The following TNXB variants were observed in gnomAD, a reference collection of about 807,000 sequenced individuals.
TNXB encodes the protein tenascin XB.
A neutral mutation model predicts 340.5 loss-of-function variants in TNXB; 183 were observed. The ratio of observed to expected loss-of-function variants is 0.54; its 90% confidence interval spans 0.48 to 0.61. The LOEUF is 0.61. TNXB is among the 20% of genes least tolerant of loss of function. The pLI is 0.00. For synonymous variants in TNXB, 2,121 were observed against 2,314.5 expected, an observed-to-expected ratio of 0.92 and a Z score of 2.40; for missense variants, 4,613 against 5,446.4, an observed-to-expected ratio of 0.85 and a Z score of 4.82.
Position 32,068,567 on chromosome 6 carries a change from C to A in TNXB, c.6043G>T (p.Asp2015Tyr). 1.2e-6 allele frequency: 2 copies of A among 1,614,014 alleles called. No individual in the cohort carries two copies. Among genetic ancestry groups the A allele is most frequent in the Non-Finnish European group, 1.7e-6 (2 of 1,179,908 alleles). ...LSWTVPEGQF[D>Y]HFLVQYRNGD... ...TTCCTGTACTGGACCAGGAAGTGGT[C>A]AAACTGTCCCTCGGGAACTGTCCAG... is the stretch of plus-strand genomic sequence containing the variant. The change falls in exon 17 of 44, where the codon GAC (aspartate) becomes TAC (tyrosine). Residue 2015 changes from aspartate (D) to tyrosine (Y), a missense_variant. Asp to Tyr is a radical substitution (Grantham distance 160, BLOSUM62 -3). This residue lies in a region of TNXB where 4,327 missense variants were observed against 4,859.4 expected (regional missense o/e 0.89). Coordinates refer to ENST00000644971, the MANE Select transcript of TNXB (RefSeq NM_001365276.2). This position sits in a 1 kb window ranked among gnomAD's most constrained non-coding sequence, Gnocchi z 5.3.
In TNXB at chr6:32,056,593, C is replaced by T. The variant is rs200131618; in HGVS notation, c.8136G>A (p.Gly2712=). Residue 2712 remains glycine (G), a synonymous_variant, in exon 23 of 44, where the codon GGG becomes GGA. Coordinates refer to ENST00000644971, the MANE Select transcript of TNXB (RefSeq NM_001365276.2). ...CTGCCATCATCCACTCACCCGTCAC[C>T]CCAATGACAGAGATGGGGCCCACGC... ...GQRVGPISVI[G]VTAAEEETPS... is the part of the protein sequence containing the mutation. The T allele has an allele frequency of 2.0e-5, 33 of 1,612,872 alleles. 1 individual carries two copies. The highest frequency in any genetic ancestry group is 1.3e-5 in the African/African-American group (1 of 74,934).
chr6:32,106,621 G>A (rs541540686), intron 1 of TNXB, among the ~76,000 whole-genome samples: 3 of 152,318 alleles, frequency 2.0e-5, no homozygotes, highest in South Asian at 2.1e-4. Context: ...AGCAAGAGAC[G>A]GAAAGGGAGC....
intron 11 of TNXB, among the ~76,000 whole-genome samples, chr6:32,078,159 C>A (rs1180517873): frequency 6.6e-6 from 1 of 151,144 alleles, no homozygotes; most frequent in Non-Finnish European, 1.5e-5. Flanking sequence ...AAAGAGAAAG[C>A]TTTGTGGTCA....
In TNXB at chr6:32,082,002, G is replaced by C; in HGVS notation, c.3736+34C>G. On this transcript the variant is annotated intron_variant, in intron 9 of 43. Transcript: ENST00000644971. The surrounding 1 kb of genome is among the most constrained non-coding windows in gnomAD (Gnocchi z 5.0). The stretch of plus-strand genomic sequence containing the variant: ...GGGAAGTGTGCATGGGGCTGAGAAG[G>C]GGTCACATGGGGGCTGAGGTGGCTG... The C allele has an allele frequency of 6.3e-7, 1 of 1,575,720 alleles. No individual in the cohort carries two copies. The highest frequency in any genetic ancestry group is 8.6e-7 in the Non-Finnish European group (1 of 1,160,218).
In TNXB at chr6:32,061,418, C is replaced by G. The variant is rs774822987; in HGVS notation, c.7471G>C (p.Val2491Leu). ...TCACCAGTCACGCCCACGGTGGACA[C>G]CGGGCCCACGCGCCGCCCCTCGTGG... ...GLHEGRRVGP[V>L]STVGVTAPQE... The change falls in exon 21 of 44, where the codon GTG (valine) becomes CTG (leucine). Residue 2491 changes from valine (V) to leucine (L), a missense_variant. Around this residue, in one of 7 missense-constraint regions of TNXB, gnomAD observed 4,327 missense variants for 4,859.4 expected, o/e 0.89. Transcript: ENST00000644971. The surrounding 1 kb of genome is among the most constrained non-coding windows in gnomAD (Gnocchi z 4.4). 1 of 1,612,704 alleles carries G rather than the reference C, an allele frequency of 6.2e-7. No individual in the cohort carries two copies. Among genetic ancestry groups the G allele is most frequent in the Admixed American group, 1.7e-5 (1 of 59,994 alleles).
At position 32,069,777 on chromosome 6, in the gene TNXB, G is replaced by T; in HGVS notation, c.5363C>A (p.Thr1788Asn). 6.2e-7 allele frequency: 1 copy of T among 1,611,386 alleles called. No homozygotes were observed. Among genetic ancestry groups the T allele is most frequent in the Non-Finnish European group, 8.5e-7 (1 of 1,178,918 alleles). ...LGEELQVTTV[T>N]QNSVGLSWTV... is the part of the protein sequence containing the mutation. Reference sequence around the variant, plus strand: ...CCAGGAGAGGCCCACGGAGTTCTGGGTCACGGTGGTCACCTGCAGCTCCTC... The same window carrying T: ...CCAGGAGAGGCCCACGGAGTTCTGGTTCACGGTGGTCACCTGCAGCTCCTC... The change falls in exon 15 of 44, where the codon ACC becomes AAC. Residue 1788 changes from threonine to asparagine, a missense_variant. Thr to Asn is a moderately conservative substitution (Grantham distance 65). This residue lies in a region of TNXB where 4,327 missense variants were observed against 4,859.4 expected (regional missense o/e 0.89). Transcript: ENST00000644971. This position sits in a 1 kb window ranked among gnomAD's most constrained non-coding sequence, Gnocchi z 6.2.
intron 1 of TNXB, among the ~76,000 whole-genome samples, chr6:32,099,272 C>G (rs972823349): frequency 2.7e-5 from 4 of 149,924 alleles, no homozygotes; most frequent in Non-Finnish European, 4.4e-5. Context: ...CTTACTCTGT[C>G]GCCCAGGCTG....
chr6:32,085,450 C>A lies in TNXB; in HGVS notation c.3148+300G>T, dbSNP rs1000910692. Among the ~76,000 whole-genome samples the A allele has an allele frequency of 2.0e-5, 3 of 152,160 alleles. No homozygotes were observed. Among genetic ancestry groups the A allele is most frequent in the African/African-American group, 7.2e-5 (3 of 41,426 alleles). On this transcript the variant is annotated intron_variant, in intron 7 of 43. Coordinates refer to ENST00000644971, the MANE Select transcript of TNXB (RefSeq NM_001365276.2). This position sits in a 1 kb window ranked among gnomAD's most constrained non-coding sequence, Gnocchi z 6.4. Reference sequence around the variant, plus strand: ...GCAGGGGACAGGGCAAGGAAAGCTGCAGGTGGAGGGCCAGGGACCTTCAGC... The same window carrying A: ...GCAGGGGACAGGGCAAGGAAAGCTGAAGGTGGAGGGCCAGGGACCTTCAGC...
In TNXB at chr6:32,067,603, T is replaced by G. The variant is rs1778449599; in HGVS notation, c.6544+58A>C. 3 of 1,572,264 alleles carry G rather than the reference T, an allele frequency of 1.9e-6. No homozygotes were observed. Among genetic ancestry groups the G allele is most frequent in the Non-Finnish European group, 2.6e-6 (3 of 1,159,106 alleles). On this transcript the variant is annotated intron_variant, in intron 18 of 43. Transcript: ENST00000644971. The surrounding 1 kb of genome is among the most constrained non-coding windows in gnomAD (Gnocchi z 4.2). ...GGTTCTGGGTCCCTAGTGGAGGAGATGCTGGAGGCTGTACTTTGCTAAGAC... is the reference window on the plus strand; with the variant it reads ...GGTTCTGGGTCCCTAGTGGAGGAGAGGCTGGAGGCTGTACTTTGCTAAGAC...
At position 32,082,417 on chromosome 6, in the gene TNXB, G is replaced by T; in HGVS notation, c.3446-91C>A. 1.5e-6 allele frequency: 2 copies of T among 1,350,878 alleles called. No homozygotes were observed. The highest frequency in any genetic ancestry group is 1.0e-6 in the Non-Finnish European group (1 of 993,240). 83.7% of individuals were successfully genotyped at this position (1,350,878 alleles called of 1,614,324 possible). A position where few individuals can be genotyped will look rare whatever the true frequency, so the allele number is the denominator to read the frequency against. ...ACATAGGAATGCTGTGTGAGGCTGT[G>T]CAGGTTGTTCACTGCACAAAAGTGC... On this transcript the variant is annotated intron_variant, in intron 8 of 43. Coordinates refer to ENST00000644971, the MANE Select transcript of TNXB (RefSeq NM_001365276.2). This position sits in a 1 kb window ranked among gnomAD's most constrained non-coding sequence, Gnocchi z 5.0.
intron 24 of TNXB, among the ~76,000 whole-genome samples, chr6:32,055,470 G>A (rs1328966607): frequency 2.0e-5 from 3 of 152,020 alleles, no homozygotes; most frequent in Non-Finnish European, 4.4e-5. Context: ...GTGTGCAGTC[G>A]ACGCGCTGCC....
At position 32,046,925 on chromosome 6, in the gene TNXB, TCCCCCTTGTC is replaced by T. The variant is rs1341009189; in HGVS notation, c.10325-479_10325-470del. On this transcript the variant is annotated intron_variant, in intron 30 of 43. Transcript: ENST00000644971. The surrounding 1 kb of genome is among the most constrained non-coding windows in gnomAD (Gnocchi z 6.9). ...CTCCCATCACTGCCAGGCTGTGATC[TCCCCCTTGTC>T]CCCTTGTGGCCATCAGCCTGAACAT... Among the ~76,000 whole-genome samples the T allele has an allele frequency of 2.0e-5, 3 of 152,142 alleles. No homozygotes were observed. Among genetic ancestry groups the T allele is most frequent in the Non-Finnish European group, 4.4e-5 (3 of 68,002 alleles).
rs140734033 is a variant in TNXB at position 32,057,004 on chromosome 6, C to T, written c.7826-101G>A. 709 of 1,437,778 alleles carry T rather than the reference C, an allele frequency of 4.9e-4. 9 individuals carry two copies. In the East Asian group the frequency reaches 0.014, roughly 28 times the overall value. 89.1% of individuals were successfully genotyped at this position (1,437,778 alleles called of 1,614,324 possible). On this transcript the variant is annotated intron_variant, in intron 22 of 43. Coordinates refer to ENST00000644971, the MANE Select transcript of TNXB (RefSeq NM_001365276.2). ...AAACACAAAGTGCCCAAGAGCAGGA[C>T]GATGCTGCCCACAGCCCCTCCAGCA...
At position 32,084,423 on chromosome 6, in the gene TNXB, T is replaced by C; in HGVS notation, c.3435A>G (p.Glu1145=). ...ACTGCTGTCACTCACAGATCTTGGC[T>C]TCAGCCACCAGCGGACCATGCCTCT... The part of the protein sequence containing the change: ...GKKRHGPLVA[E]AKILPQSDPS... The change falls in exon 8 of 44, where the codon GAA becomes GAG. Residue 1145 remains glutamate, a synonymous_variant. Coordinates refer to ENST00000644971, the MANE Select transcript of TNXB (RefSeq NM_001365276.2). This position sits in a 1 kb window ranked among gnomAD's most constrained non-coding sequence, Gnocchi z 5.5. 6.3e-7 allele frequency: 1 copy of C among 1,588,940 alleles called. No homozygotes were observed. Among genetic ancestry groups the C allele is most frequent in the Non-Finnish European group, 8.6e-7 (1 of 1,164,478 alleles).
In TNXB at chr6:32,078,117, AAG is replaced by A. The variant is rs34401530; in HGVS notation, c.4375+914_4375+915del. On this transcript the variant is annotated intron_variant, in intron 11 of 43. Coordinates refer to ENST00000644971, the MANE Select transcript of TNXB (RefSeq NM_001365276.2). ...AAAGAAAGAAAGAAAGAAAGAAAGA[AAG>A]AAAGAAAGAAAGAAAAAGAGAGAAA... 3.5e-4 allele frequency among the ~76,000 whole-genome samples: 51 copies of A among 146,824 alleles called. No homozygotes were observed. The South Asian group carries it at 4.2e-3, about 12-fold the overall frequency.
chr6:32,049,925 C>T lies in TNXB; in HGVS notation c.9439+73G>A. On this transcript the variant is annotated intron_variant, in intron 27 of 43. Transcript: ENST00000644971. The surrounding 1 kb of genome is among the most constrained non-coding windows in gnomAD (Gnocchi z 4.5). Reference sequence around the variant, plus strand: ...CTGACCAGACCCCTGTCCCATTCCCCACCAGTCATCACCAAAGAGCAAGAG... The same window carrying T: ...CTGACCAGACCCCTGTCCCATTCCCTACCAGTCATCACCAAAGAGCAAGAG... 1 of 1,602,418 alleles carries T rather than the reference C, an allele frequency of 6.2e-7. No homozygotes were observed. Among genetic ancestry groups the T allele is most frequent in the Non-Finnish European group, 8.5e-7 (1 of 1,171,940 alleles).
chr6:32,058,183 C>A lies in TNXB; in HGVS notation c.7700G>T (p.Arg2567Leu). ...KDRDGRPQAV[R>L]VGGQESKVTV... is the part of the protein sequence containing the mutation. ...GACCTTGCTCTCCTGGCCCCCAACA[C>A]GCACCGCCTGGGGCCGCCCGTCCCT... The change falls in exon 22 of 44, where the codon CGT (arginine) becomes CTT (leucine). Residue 2567 changes from arginine to leucine, a missense_variant. By Grantham distance (102) the Arg-to-Leu change is moderately radical. Around this residue, in one of 7 missense-constraint regions of TNXB, gnomAD observed 4,327 missense variants for 4,859.4 expected, o/e 0.89. Coordinates refer to ENST00000644971, the MANE Select transcript of TNXB (RefSeq NM_001365276.2). The surrounding 1 kb of genome is among the most constrained non-coding windows in gnomAD (Gnocchi z 5.1). 2 of 1,612,576 alleles carry A rather than the reference C, an allele frequency of 1.2e-6. No individual in the cohort carries two copies. The highest frequency in any genetic ancestry group is 1.7e-6 in the Non-Finnish European group (2 of 1,179,850).
Position 32,084,459 on chromosome 6 carries a change from A to T in TNXB, c.3399T>A (p.Phe1133Leu). 6.2e-7 allele frequency: 1 copy of T among 1,600,054 alleles called. No homozygotes were observed. The highest frequency in any genetic ancestry group is 8.5e-7 in the Non-Finnish European group (1 of 1,172,480). The change falls in exon 8 of 44, where the codon TTT (phenylalanine) becomes TTA (leucine). Residue 1133 changes from phenylalanine to leucine, a missense_variant. Physicochemically the swap from Phe to Leu is conservative, Grantham distance 22 (BLOSUM62 0). Transcript: ENST00000644971. This position sits in a 1 kb window ranked among gnomAD's most constrained non-coding sequence, Gnocchi z 5.5. ...GRKYKFVLYG[F>L]VGKKRHGPLV... is the part of the protein sequence containing the mutation. ...GCGGACCATGCCTCTTCTTGCCAAC[A>T]AACCCATACAGGACAAATTTGTACT...
Position 32,050,010 on chromosome 6 carries a change from T to A in TNXB, c.9427A>T (p.Ile3143Phe). The change falls in exon 27 of 44, where the codon ATT (isoleucine) becomes TTT (phenylalanine). Residue 3143 changes from isoleucine to phenylalanine, a missense_variant. By Grantham distance (21) the Ile-to-Phe change is conservative. Coordinates refer to ENST00000644971, the MANE Select transcript of TNXB (RefSeq NM_001365276.2). ...ATCATTCACTCACCCGTCACCCCAA[T>A]GGCAGACACAGGGCCTACGCGCTGG... ...GGQRVGPVSAIGVTEEETPSP... is the reference protein window; with the variant it reads ...GGQRVGPVSAFGVTEEETPSP... 1 of 1,613,700 alleles carries A rather than the reference T, an allele frequency of 6.2e-7. No homozygotes were observed. Among genetic ancestry groups the A allele is most frequent in the East Asian group, 2.2e-5 (1 of 44,880 alleles).
Sources: allele counts gnomAD v4.1 joint callset (sites outside exome capture counted in the v4.1 genomes callset), GRCh38; gene constraint gnomAD v4.1.1; regional missense constraint gnomAD v4.1.1; non-coding constraint Gnocchi (gnomAD v3.1); transcripts MANE v1.5; gene names NCBI Gene and HGNC (gene_info 2026-07-23, HGNC 2026-07-21).